Variants in MYLK observed in about 807,000 individuals in gnomAD.
MYLK encodes the protein myosin light chain kinase.
Under a neutral mutation model 203.4 loss-of-function variants are expected in MYLK, and 106 were observed. That is an observed-to-expected ratio of 0.52 (90% confidence interval 0.45 to 0.61). MYLK has a LOEUF of 0.61. MYLK is among the 20% of genes least tolerant of loss of function. MYLK has a pLI of 0.00. For synonymous variants in MYLK, 867 were observed against 959.5 expected (o/e 0.90, Z 1.78); for missense variants, 2,072 against 2,442.3 (o/e 0.85, Z 3.20).
Position 123,834,929 on chromosome 3 carries a change from A to G in MYLK, c.-126-3259T>C, listed in dbSNP as rs184145615. ...TAAAATGCATATTGTCTTATGAGGC[A>G]TAACGAGCCTGAAGGGTATTGTTGG... On this transcript the variant is annotated intron_variant, in intron 2 of 33. Transcript: ENST00000360304. Among the ~76,000 whole-genome samples, 277 of 152,346 alleles carry G rather than the reference A, an allele frequency of 1.8e-3. 3 individuals are homozygous for G. The highest frequency in any genetic ancestry group is 7.1e-3 in the East Asian group (37 of 5,180).
At chr3:123,739,734 C>T (rs758201175) in intron 6 of MYLK, among the ~76,000 whole-genome samples, 1 of 152,222 alleles carries the variant, frequency 6.6e-6, no homozygotes, top group Non-Finnish European at 1.5e-5. Context: ...CCACCTCTCC[C>T]ACTTCCTTAC....
intron 13 of MYLK, among the ~76,000 whole-genome samples, chr3:123,710,810 T>C (rs183273744): frequency 2.0e-5 from 3 of 152,292 alleles, no homozygotes; most frequent in Admixed American, 2.0e-4. Context: ...AGCTGCAAAC[T>C]AGAAATGACC....
chr3:123,856,238 G>C (rs181871943), intron 2 of MYLK, among the ~76,000 whole-genome samples: 38 of 152,286 alleles, frequency 2.5e-4, no homozygotes, highest in African/African-American at 8.9e-4. Context: ...TTGCCTGTGA[G>C]TGTGGAAGGA....
intron 2 of MYLK, among the ~76,000 whole-genome samples, chr3:123,864,856 A>G (rs1473391044): frequency 6.6e-6 from 1 of 152,140 alleles, no homozygotes; most frequent in Non-Finnish European, 1.5e-5. Flanking sequence ...CAACCACTGC[A>G]CTCTAGCTTG....
intron 19 of MYLK, among the ~76,000 whole-genome samples, chr3:123,683,442 C>G (rs1224642741): frequency 6.6e-6 from 1 of 152,004 alleles, no homozygotes. Flanking sequence ...GAGGGGTGGG[C>G]GCAGGGAGCA....
chr3:123,869,106 C>T (rs1002225591), intron 2 of MYLK, among the ~76,000 whole-genome samples: 9 of 152,060 alleles, frequency 5.9e-5, no homozygotes, highest in South Asian at 2.1e-4. Context: ...GTGAGCAGGG[C>T]GGCCTAGGAG....
At chr3:123,692,652 C>G (rs892314087) in intron 19 of MYLK, 83 bp downstream of exon 19, 1 of 1,110,002 alleles carries the variant, frequency 9.0e-7, no homozygotes, top group Non-Finnish European at 1.4e-6. Flanking sequence ...TTCTGTCTGA[C>G]AGGCAAGGTA....
chr3:123,782,125 G>T (rs77267094), intron 4 of MYLK, among the ~76,000 whole-genome samples: 5,221 of 152,190 alleles, frequency 0.034, 290 homozygotes, highest in African/African-American at 0.12. Flanking sequence ...ACTCGGGAAG[G>T]TTTAGTGGTT....
At chr3:123,735,814 A>G (rs2062655394) in intron 8 of MYLK, 1 of 185,036 alleles carries the variant, frequency 5.4e-6, no homozygotes, top group South Asian at 1.3e-4. Flanking sequence ...CATAAAATAC[A>G]TATTTTTCCT....
intron 4 of MYLK, among the ~76,000 whole-genome samples, chr3:123,784,359 G>T (rs192964522): frequency 1.3e-4 from 20 of 149,256 alleles, no homozygotes; most frequent in East Asian, 1.2e-3. Context: ...GCCAAATACG[G>T]CTCATGGGTT....
intron 13 of MYLK, among the ~76,000 whole-genome samples, chr3:123,713,024 G>A (rs761369205): frequency 4.6e-5 from 7 of 152,160 alleles, no homozygotes; most frequent in South Asian, 2.1e-4. Context: ...ATACAAATGC[G>A]TTGCTTAAAA....
At chr3:123,781,730 A>G (rs2064306033) in intron 4 of MYLK, among the ~76,000 whole-genome samples, 1 of 152,020 alleles carries the variant, frequency 6.6e-6, no homozygotes, top group Non-Finnish European at 1.5e-5. Context: ...TGATGTGTGT[A>G]GATCTCAACA....
At chr3:123,833,743 G>A (rs866228567) in intron 2 of MYLK, among the ~76,000 whole-genome samples, 1 of 152,178 alleles carries the variant, frequency 6.6e-6, no homozygotes, top group African/African-American at 2.4e-5. Flanking sequence ...TAATATGGGT[G>A]AAATGATTTT....
intron 4 of MYLK, among the ~76,000 whole-genome samples, chr3:123,792,357 T>C (rs1389873693): frequency 6.6e-6 from 1 of 152,228 alleles, no homozygotes; most frequent in Non-Finnish European, 1.5e-5. Context: ...TTACTGTATA[T>C]TGAAAAGTTG....
intron 1 of MYLK, among the ~76,000 whole-genome samples, chr3:123,882,212 TAG>T (rs1188393038): frequency 6.6e-6 from 1 of 152,076 alleles, no homozygotes; most frequent in Non-Finnish European, 1.5e-5. Flanking sequence ...TTGAGCCCAT[TAG>T]ACTAGTATGG....
intron 22 of MYLK, among the ~76,000 whole-genome samples, chr3:123,665,463 T>C (rs996777329): frequency 6.6e-6 from 1 of 152,228 alleles, no homozygotes; most frequent in African/African-American, 2.4e-5. Context: ...TCCCTGTTAG[T>C]ACTAAGTGTT....
intron 31 of MYLK, chr3:123,621,383 T>A (rs1222389936): frequency 6.6e-6 from 1 of 152,198 alleles, no homozygotes; most frequent in African/African-American, 2.4e-5. Context: ...GACTGGCTAC[T>A]TGTCCTCCCT....
At position 123,884,319 on chromosome 3, in the gene MYLK, G is replaced by T. The variant is rs1408921018; in HGVS notation, c.-299C>A. ...CTCAGCGCCCTGCTGCCGACCGGGC[G>T]GCGCGGGGAGCCCGCGAGGCGCGTC... On this transcript the variant is annotated 5_prime_UTR_variant, in exon 1 of 34. Transcript: ENST00000360304. 1 of 143,392 alleles carries T rather than the reference G, an allele frequency of 7.0e-6. No individual in the cohort carries two copies. Among genetic ancestry groups the T allele is most frequent in the Non-Finnish European group, 1.5e-5 (1 of 64,936 alleles). 8.9% of individuals were successfully genotyped at this position (143,392 alleles called of 1,614,324 possible). A position where few individuals can be genotyped will look rare whatever the true frequency, so the allele number is the denominator to read the frequency against.
intron 19 of MYLK, among the ~76,000 whole-genome samples, chr3:123,682,561 C>T (rs906761062): frequency 2.0e-5 from 3 of 152,222 alleles, no homozygotes; most frequent in East Asian, 1.9e-4. Flanking sequence ...GCAAGATGAG[C>T]GCACAGGCTG....
Sources: gnomAD v4.1 joint callset for allele counts (sites outside exome capture counted in the v4.1 genomes callset) on GRCh38, gnomAD v4.1.1 for gene constraint, MANE v1.5 for transcripts, NCBI Gene and HGNC (gene_info 2026-07-23, HGNC 2026-07-21) for gene names.